STON2: variants seen among roughly 807,000 people sequenced by gnomAD.
The protein encoded by STON2 is stonin 2, also known as stonin-2.
Under a neutral mutation model 65.7 loss-of-function variants are expected in STON2, and 29 were observed. That is an observed-to-expected ratio of 0.44 (90% confidence interval 0.33 to 0.60). The LOEUF (loss-of-function observed/expected upper bound fraction) is 0.60, where lower values mean the gene tolerates loss of function less well. Among genes scored for constraint, STON2 ranks in the 20% least tolerant of loss-of-function variants. The pLI is 0.03. For missense variants in STON2, 1,054 were observed against 1,118.1 expected, an observed-to-expected ratio of 0.94 and a Z score of 0.82; for synonymous variants, 404 against 414.2, an observed-to-expected ratio of 0.98 and a Z score of 0.30.
At chr14:81,424,748 T>C (rs1226582321) in intron 2 of STON2, among the ~76,000 whole-genome samples, 3 of 152,188 alleles carry the variant, frequency 2.0e-5, no homozygotes, top group Non-Finnish European at 4.4e-5. Context: ...CTATTGTTTT[T>C]TCCAAGTTGA....
rs77569360 is a variant in STON2, at chr14:81,398,539, G to T, written c.-157C>A. The T allele has an allele frequency of 8.0e-6, 4 of 499,228 alleles. No individual in the cohort carries two copies. The highest frequency in any genetic ancestry group is 5.9e-5 in the African/African-American group (3 of 50,828). The allele number at this position is 499,228 out of a possible 1,614,324, so 30.9% of individuals were successfully genotyped here. A position where few individuals can be genotyped will look rare whatever the true frequency, so the allele number is the denominator to read the frequency against. On this transcript the variant is annotated 5_prime_UTR_variant, in exon 2 of 8. In the 5' UTR this introduces an upstream ATG that the reference lacks. Coordinates refer to ENST00000614646, the MANE Select transcript of STON2 (RefSeq NM_001394390.1). ...AAGGGCAGTACTCAGAATGTAGACA[G>T]ATCAGCCTCTCTTGCCGTTGGTTAA...
rs149914558 is a variant in STON2, at chr14:81,408,136, A to AACAC, written c.-198-9560_-198-9557dup. Among the ~76,000 whole-genome samples, 358 of 149,086 alleles carry AACAC rather than the reference A, an allele frequency of 2.4e-3. 2 individuals are homozygous for AACAC. Among genetic ancestry groups the AACAC allele is most frequent in the African/African-American group, 8.2e-3 (332 of 40,400 alleles). ...AAAACCTGAACAGAGTTCACTGAAGAACACACACACACACACACACACGCG... is the reference window on the plus strand; with the variant it reads ...AAAACCTGAACAGAGTTCACTGAAGAACACACACACACACACACACACACACGCG... On this transcript the variant is annotated intron_variant, in intron 2 of 8. Coordinates refer to the STON2 transcript ENST00000553821.
intron 2 of STON2, among the ~76,000 whole-genome samples, chr14:81,410,170 T>G (rs1220352787): frequency 6.7e-6 from 1 of 150,064 alleles, no homozygotes; most frequent in Non-Finnish European, 1.5e-5. Context: ...GCCACTGAAC[T>G]GATATCAACA....
intron 1 of STON2, among the ~76,000 whole-genome samples, chr14:81,429,664 T>C (rs570785926): frequency 1.3e-5 from 2 of 152,328 alleles, no homozygotes; most frequent in East Asian, 3.9e-4. Context: ...TCGGGCATGA[T>C]GGCTCACGCC....
intron 2 of STON2, among the ~76,000 whole-genome samples, chr14:81,397,845 C>T (rs1396285427): frequency 6.6e-6 from 1 of 152,032 alleles, no homozygotes; most frequent in East Asian, 1.9e-4. Flanking sequence ...ACTGATTATC[C>T]CTACTGTACA....
intron 5 of STON2, among the ~76,000 whole-genome samples, chr14:81,294,665 GA>G (rs1895690559): frequency 6.6e-6 from 1 of 152,120 alleles, no homozygotes; most frequent in Admixed American, 6.5e-5. Context: ...TATCCCTGGG[GA>G]AGATCCTGGA....
At chr14:81,425,733 T>C (rs1901938785) in intron 2 of STON2, among the ~76,000 whole-genome samples, 1 of 152,236 alleles carries the variant, frequency 6.6e-6, no homozygotes, top group South Asian at 2.1e-4. Flanking sequence ...TCAGTTTTCA[T>C]ATCTCTGAAT....
rs1276221649 is a variant in STON2 at position 81,264,976 on chromosome 14, G to A, written c.*3438C>T. 6 of 984,358 alleles carry A rather than the reference G, an allele frequency of 6.1e-6. No individual in the cohort carries two copies. Among genetic ancestry groups the A allele is most frequent in the Non-Finnish European group, 6.0e-6 (5 of 829,296 alleles). 61.0% of individuals were successfully genotyped at this position (984,358 alleles called of 1,614,324 possible). A position where few individuals can be genotyped will look rare whatever the true frequency, so the allele number is the denominator to read the frequency against. On this transcript the variant is annotated 3_prime_UTR_variant, in exon 8 of 8. Transcript: ENST00000614646. ...AAGAAAGCACAGCTCTTGATACCAC[G>A]TGATATCTAATTTATGTTCTAAGAG...
intron 2 of STON2, among the ~76,000 whole-genome samples, chr14:81,425,838 C>A (rs1416067034): frequency 5.3e-5 from 8 of 152,186 alleles, no homozygotes; most frequent in Non-Finnish European, 2.9e-5. Context: ...AAACGTAAGT[C>A]TCTGGCATAT....
intron 4 of STON2, among the ~76,000 whole-genome samples, chr14:81,363,075 A>G (rs1429247968): frequency 6.6e-6 from 1 of 152,204 alleles, no homozygotes; most frequent in East Asian, 1.9e-4. Context: ...CTCCCACAGT[A>G]TACCAGGCAC....
At chr14:81,403,570 C>T (rs1000761122), upstream of STON2, among the ~76,000 whole-genome samples, 2 of 152,084 alleles carry the variant, frequency 1.3e-5, no homozygotes, top group Non-Finnish European at 2.9e-5. Context: ...AAACTTGACC[C>T]AAGCCCAGAA....
rs150023696 is a variant in STON2, at chr14:81,329,766, G to A, written c.572-5579C>T. On this transcript the variant is annotated intron_variant, in intron 4 of 7. Coordinates refer to ENST00000614646, the MANE Select transcript of STON2 (RefSeq NM_001394390.1). ...ACCTATGGCTTAAACCGTTTAGTGG[G>A]AAAGAGAGAGAAGGGGGTGGGGGAA... Among the ~76,000 whole-genome samples, 250 of 152,208 alleles carry A rather than the reference G, an allele frequency of 1.6e-3. 1 individual carries two copies. Among genetic ancestry groups the A allele is most frequent in the African/African-American group, 5.8e-3 (241 of 41,500 alleles).
At chr14:81,272,083 G>A (rs370323682) in intron 6 of STON2, among the ~76,000 whole-genome samples, 12 of 152,104 alleles carry the variant, frequency 7.9e-5, no homozygotes, top group Admixed American at 2.6e-4. Context: ...TTAGCCGGGC[G>A]TGGTGGCGGG....
intron 3 of STON2, among the ~76,000 whole-genome samples, chr14:81,386,152 G>C (rs1339369887): frequency 1.3e-5 from 2 of 152,148 alleles, no homozygotes; most frequent in Non-Finnish European, 2.9e-5. Context: ...CCTGGGTACA[G>C]CATCCTCTGA....
chr14:81,356,224 T>C (rs1197607188), intron 4 of STON2, among the ~76,000 whole-genome samples: 2 of 152,200 alleles, frequency 1.3e-5, no homozygotes, highest in African/African-American at 4.8e-5. Context: ...TGAAGCGTTG[T>C]TGAATTTTGT....
chr14:81,265,382 T>C lies in STON2; in HGVS notation c.*3032A>G. ...TTAATAATAATTTGTGGGTCCAGCA[T>C]GGTGGCTCACGCCTGTAATCCCAGA... is the stretch of plus-strand genomic sequence containing the variant. On this transcript the variant is annotated 3_prime_UTR_variant, in exon 8 of 8. Transcript: ENST00000614646. 1 of 980,718 alleles carries C rather than the reference T, an allele frequency of 1.0e-6. No homozygotes were observed. The highest frequency in any genetic ancestry group is 1.2e-6 in the Non-Finnish European group (1 of 825,742). The allele number at this position is 980,718 out of a possible 1,614,324, so 60.8% of individuals were successfully genotyped here. A position where few individuals can be genotyped will look rare whatever the true frequency, so the allele number is the denominator to read the frequency against.
chr14:81,401,682 A>G (rs1360485403), upstream of STON2, among the ~76,000 whole-genome samples: 1 of 152,224 alleles, frequency 6.6e-6, no homozygotes, highest in African/African-American at 2.4e-5. Context: ...TATCAGCAGG[A>G]GGATTGACCA....
At chr14:81,351,590 T>C (rs1486952669) in intron 4 of STON2, among the ~76,000 whole-genome samples, 3 of 152,246 alleles carry the variant, frequency 2.0e-5, no homozygotes, top group African/African-American at 4.8e-5. Context: ...AATGGAGTTA[T>C]TAAGGTGAAA....
chr14:81,276,776 A>G lies in STON2; in HGVS notation c.2581+125T>C, dbSNP rs1894836904. ...CAATTATTTTTACTTTTCTGGTCCC[A>G]CTCCCCCTCCATCACCACTCCCATC... On this transcript the variant is annotated intron_variant, in intron 6 of 7. Coordinates refer to ENST00000614646, the MANE Select transcript of STON2 (RefSeq NM_001394390.1). 4 of 1,146,348 alleles carry G rather than the reference A, an allele frequency of 3.5e-6. No homozygotes were observed. In the Admixed American group the frequency reaches 9.2e-5, roughly 26 times the overall value. 71.0% of individuals were successfully genotyped at this position (1,146,348 alleles called of 1,614,324 possible).
Sources: allele counts gnomAD v4.1 joint callset (sites outside exome capture counted in the v4.1 genomes callset), GRCh38; gene constraint gnomAD v4.1.1; transcripts MANE v1.5; gene names NCBI Gene and HGNC (gene_info 2026-07-23, HGNC 2026-07-21).